The following GPR158 variants were observed in gnomAD, a reference collection of about 807,000 sequenced individuals.
The protein encoded by GPR158 is metabotropic glycine receptor.
GPR158 carries 30 observed loss-of-function variants against 78.2 expected under a neutral mutation model. The ratio of observed to expected loss-of-function variants is 0.38; its 90% CI spans 0.29 to 0.52. GPR158 has a LOEUF of 0.52. GPR158 is among the 20% of genes least tolerant of loss of function. GPR158 has a pLI of 0.83. For missense variants in GPR158, 1,463 were observed against 1,523.5 expected (o/e 0.96, Z 0.66); for synonymous variants, 581 against 591.1 (o/e 0.98, Z 0.25).
At chr10:25,553,779 G>A (rs1836754701) in intron 6 of GPR158, among the ~76,000 whole-genome samples, 1 of 152,144 alleles carries the variant, frequency 6.6e-6, no homozygotes, top group South Asian at 2.1e-4. Flanking sequence ...TGATAGAGAG[G>A]AAAGATGTAA....
intron 3 of GPR158, 132 bp downstream of exon 3, chr10:25,396,145 A>G: frequency 1.9e-6 from 1 of 519,022 alleles, no homozygotes; most frequent in Admixed American, 3.5e-5. Flanking sequence ...TCATCACTTA[A>G]GGAGTTTTAG....
Position 25,598,771 on chromosome 10 carries a change from C to T in GPR158, c.3145C>T (p.His1049Tyr), listed in dbSNP as rs1047085123. ...CACTTTTTCCTTAAAGGAGAAATCTCACCACAAGCCTAAGGCAGCTGAGGT... is the reference window on the plus strand; with the variant it reads ...CACTTTTTCCTTAAAGGAGAAATCTTACCACAAGCCTAAGGCAGCTGAGGT... Reference protein sequence around the residue: ...NPTFSLKEKSHHKPKAAEVCQ... With the variant: ...NPTFSLKEKSYHKPKAAEVCQ... Residue 1049 changes from histidine to tyrosine, a missense_variant, in exon 11 of 11, where the codon CAC becomes TAC. Physicochemically the swap from His to Tyr is moderately conservative, Grantham distance 83. Transcript: ENST00000376351. 1.9e-6 allele frequency: 3 copies of T among 1,613,980 alleles called. No individual in the cohort carries two copies. Among genetic ancestry groups the T allele is most frequent in the Non-Finnish European group, 1.7e-6 (2 of 1,180,024 alleles).
intron 2 of GPR158, among the ~76,000 whole-genome samples, chr10:25,315,431 T>TA (rs1175138808): frequency 3.3e-5 from 5 of 152,144 alleles, no homozygotes; most frequent in Non-Finnish European, 5.9e-5. Flanking sequence ...CCTGCTTTCT[T>TA]ACTGGTTTCA....
At chr10:25,497,218 A>C (rs3886350) in intron 5 of GPR158, among the ~76,000 whole-genome samples, 1 of 151,996 alleles carries the variant, frequency 6.6e-6, no homozygotes, top group African/African-American at 2.4e-5. Flanking sequence ...ATTGGACTCC[A>C]TGAAACAATA....
At chr10:25,360,000 C>T (rs1424008074) in intron 2 of GPR158, among the ~76,000 whole-genome samples, 9 of 152,152 alleles carry the variant, frequency 5.9e-5, no homozygotes, top group Non-Finnish European at 1.5e-5. Flanking sequence ...ATTTGCATTT[C>T]TCTAATGACC....
At chr10:25,430,773 A>G (rs892681079) in intron 4 of GPR158, among the ~76,000 whole-genome samples, 3 of 146,780 alleles carry the variant, frequency 2.0e-5, no homozygotes, top group African/African-American at 2.5e-5. Flanking sequence ...AGGATTCCCT[A>G]TTTAATAAAT....
chr10:25,450,219 G>A (rs1372718716), intron 4 of GPR158, among the ~76,000 whole-genome samples: 1 of 152,090 alleles, frequency 6.6e-6, no homozygotes, highest in Non-Finnish European at 1.5e-5. Context: ...CAGCCCTATG[G>A]TGGGGAGCAG....
intron 4 of GPR158, among the ~76,000 whole-genome samples, chr10:25,435,875 G>C (rs1834991275): frequency 6.6e-6 from 1 of 152,128 alleles, no homozygotes; most frequent in African/African-American, 2.4e-5. Flanking sequence ...GAGAAGAGTG[G>C]CTAACTGGAA....
intron 2 of GPR158, among the ~76,000 whole-genome samples, chr10:25,296,856 C>T (rs1444406792): frequency 6.6e-6 from 1 of 152,174 alleles, no homozygotes; most frequent in Non-Finnish European, 1.5e-5. Context: ...AGGCTGAATC[C>T]ACTGCCTCTC....
rs1198622512 is a variant in GPR158 at position 25,252,831 on chromosome 10, G to A, written c.1008+31674G>A. On this transcript the variant is annotated intron_variant, in intron 2 of 10. Transcript: ENST00000376351. ...GGCAGGCAGGCCTCCTTGAGCTGTG[G>A]TGGGCTCCACCCAGTTCGAGCTTCC... Among the ~76,000 whole-genome samples the A allele has an allele frequency of 2.6e-5, 4 of 151,146 alleles. No homozygotes were observed. The East Asian group carries it at 7.8e-4, about 29-fold the overall frequency.
chr10:25,435,501 G>T (rs1437812326), intron 4 of GPR158, among the ~76,000 whole-genome samples: 1 of 152,146 alleles, frequency 6.6e-6, no homozygotes, highest in Non-Finnish European at 1.5e-5. Context: ...GCACCCAAGT[G>T]TGAAGCAGCT....
intron 2 of GPR158, among the ~76,000 whole-genome samples, chr10:25,386,044 T>C (rs1462460059): frequency 6.6e-6 from 1 of 152,194 alleles, no homozygotes; most frequent in Non-Finnish European, 1.5e-5. Flanking sequence ...CCAAATCTAA[T>C]GTCATAAGGC....
intron 6 of GPR158, among the ~76,000 whole-genome samples, chr10:25,555,276 G>A (rs1836773807): frequency 6.6e-6 from 1 of 152,148 alleles, no homozygotes; most frequent in Non-Finnish European, 1.5e-5. Flanking sequence ...TTGGTAGCTT[G>A]ATGGGGATGG....
intron 2 of GPR158, among the ~76,000 whole-genome samples, chr10:25,342,483 G>A (rs1395052534): frequency 6.6e-6 from 1 of 151,696 alleles, no homozygotes; most frequent in Non-Finnish European, 1.5e-5. Context: ...CTCTATTATT[G>A]TTTTTATAAG....
At chr10:25,509,107 T>C (rs1336988443) in intron 5 of GPR158, among the ~76,000 whole-genome samples, 1 of 152,154 alleles carries the variant, frequency 6.6e-6, no homozygotes, top group African/African-American at 2.4e-5. Flanking sequence ...TGGTAGGATG[T>C]TTAGCAGCAT....
At chr10:25,437,157 T>C (rs889723709) in intron 4 of GPR158, among the ~76,000 whole-genome samples, 1 of 152,216 alleles carries the variant, frequency 6.6e-6, no homozygotes, top group Non-Finnish European at 1.5e-5. Flanking sequence ...TCAAAATCTC[T>C]TGGATATTTT....
At chr10:25,262,897 G>T (rs1420278848) in intron 2 of GPR158, among the ~76,000 whole-genome samples, 1 of 152,156 alleles carries the variant, frequency 6.6e-6, no homozygotes, top group Non-Finnish European at 1.5e-5. Context: ...AAATTGGGTT[G>T]TTTGCTTTCC....
intron 5 of GPR158, among the ~76,000 whole-genome samples, chr10:25,550,569 C>T (rs1836714089): frequency 6.6e-6 from 1 of 152,024 alleles, no homozygotes; most frequent in South Asian, 2.1e-4. Context: ...ACACCAAAGA[C>T]TTAGAGACAG....
chr10:25,271,805 A>ATT (rs11427765), intron 2 of GPR158, among the ~76,000 whole-genome samples: 30 of 149,946 alleles, frequency 2.0e-4, no homozygotes, highest in African/African-American at 6.4e-4. Context: ...CGCTTGGCTA[A>ATT]TTTTTTTTTT....
Sources: allele counts gnomAD v4.1 joint callset (sites outside exome capture counted in the v4.1 genomes callset), GRCh38; gene constraint gnomAD v4.1.1; transcripts MANE v1.5; gene names NCBI Gene and HGNC (gene_info 2026-07-23, HGNC 2026-07-21).